LIN28B: variants seen among roughly 807,000 people sequenced by gnomAD.
The protein encoded by LIN28B is protein lin-28 homolog B.
A neutral mutation model predicts 21.9 loss-of-function variants in LIN28B; 5 were observed. The observed-to-expected ratio is 0.23, with a 90% CI of 0.12 to 0.48. LIN28B has a LOEUF of 0.48. Among genes scored for constraint, LIN28B ranks in the 20% least tolerant of loss-of-function variants. The pLI is 0.98. For synonymous variants in LIN28B, 109 were observed against 111.3 expected (o/e 0.98, Z 0.13); for missense variants, 245 against 310.5 (o/e 0.79, Z 1.58).
At chr6:104,937,853 T>C (rs1228967209) in intron 2 of LIN28B, among the ~76,000 whole-genome samples, 1 of 151,828 alleles carries the variant, frequency 6.6e-6, no homozygotes, top group Non-Finnish European at 1.5e-5. Flanking sequence ...TAGGAACCGT[T>C]GTAGGCATTG....
intron 3 of LIN28B, among the ~76,000 whole-genome samples, chr6:105,045,386 A>C (rs553978578): frequency 6.7e-6 from 1 of 148,482 alleles, no homozygotes; most frequent in African/African-American, 2.5e-5. Context: ...TCCCGGGTTC[A>C]AGCAATTCTC....
chr6:105,028,251 T>A, intron 3 of LIN28B, among the ~76,000 whole-genome samples: 1 of 152,150 alleles, frequency 6.6e-6, no homozygotes, highest in East Asian at 1.9e-4. Flanking sequence ...TTTTTTCATA[T>A]TGGATCTTGT....
At chr6:104,953,817 G>A (rs1303595375), upstream of LIN28B, among the ~76,000 whole-genome samples, 1 of 152,156 alleles carries the variant, frequency 6.6e-6, no homozygotes, top group Non-Finnish European at 1.5e-5. Context: ...GAGGACGGGT[G>A]GAGTCACTTG....
intron 2 of LIN28B, among the ~76,000 whole-genome samples, chr6:105,022,424 A>G (rs888902562): frequency 7.9e-5 from 12 of 152,214 alleles, no homozygotes; most frequent in African/African-American, 2.9e-4. Flanking sequence ...GCATATGTTT[A>G]ACAAAGTATA....
At chr6:104,937,783 A>G (rs1342557603) in intron 2 of LIN28B, among the ~76,000 whole-genome samples, 2 of 152,166 alleles carry the variant, frequency 1.3e-5, no homozygotes, top group East Asian at 3.9e-4. Flanking sequence ...CCTTGAAAAT[A>G]TAATCAGGGT....
intron 3 of LIN28B, among the ~76,000 whole-genome samples, chr6:105,048,391 G>C (rs144444894): frequency 6.6e-6 from 1 of 152,108 alleles, no homozygotes; most frequent in African/African-American, 2.4e-5. Flanking sequence ...GGTGGATAAG[G>C]TTTTTGATGT....
At chr6:105,006,817 C>T (rs1770825392) in intron 2 of LIN28B, among the ~76,000 whole-genome samples, 1 of 152,186 alleles carries the variant, frequency 6.6e-6, no homozygotes, top group Admixed American at 6.5e-5. Flanking sequence ...TTTGCACTAG[C>T]TAGCTCTTAC....
At chr6:105,050,608 C>CAAAAA (rs61464567) in intron 3 of LIN28B, among the ~76,000 whole-genome samples, 12,076 of 47,528 alleles carry the variant, frequency 0.25, 4,089 homozygotes, top group Non-Finnish European at 0.31. Context: ...GACTCCGTCT[C>CAAAAA]AAAAAAAAAA....
At chr6:105,038,213 G>A (rs1376141469) in intron 3 of LIN28B, among the ~76,000 whole-genome samples, 3 of 152,200 alleles carry the variant, frequency 2.0e-5, no homozygotes, top group Non-Finnish European at 4.4e-5. Context: ...TACGTTATGT[G>A]GGAGTTGCAG....
intron 2 of LIN28B, among the ~76,000 whole-genome samples, chr6:105,004,451 T>G (rs544607436): frequency 6.6e-6 from 1 of 152,330 alleles, no homozygotes; most frequent in African/African-American, 2.4e-5. Flanking sequence ...GTATTTGGTA[T>G]TCATACTTCT....
At chr6:105,001,878 T>A (rs1445956541) in intron 2 of LIN28B, among the ~76,000 whole-genome samples, 1 of 152,180 alleles carries the variant, frequency 6.6e-6, no homozygotes, top group Non-Finnish European at 1.5e-5. Context: ...AGTATTCAAA[T>A]ATTAGAAAGT....
At chr6:105,031,633 A>G (rs1771427068) in intron 3 of LIN28B, among the ~76,000 whole-genome samples, 1 of 150,898 alleles carries the variant, frequency 6.6e-6, no homozygotes, top group Non-Finnish European at 1.5e-5. Flanking sequence ...TCCCAGGTTC[A>G]CACCATTCTC....
chr6:105,045,669 C>A (rs1255601207), intron 3 of LIN28B: 1 of 152,030 alleles, frequency 6.6e-6, no homozygotes, highest in Admixed American at 6.6e-5. Flanking sequence ...AAGCAAGCAC[C>A]CACTCACTTC....
intron 2 of LIN28B, among the ~76,000 whole-genome samples, chr6:104,978,448 A>G (rs1434558958): frequency 6.6e-6 from 1 of 151,960 alleles, no homozygotes; most frequent in Non-Finnish European, 1.5e-5. Flanking sequence ...GAATACCTTA[A>G]CTCAGATTTC....
chr6:105,053,233 G>A (rs776064963), intron 3 of LIN28B, among the ~76,000 whole-genome samples: 1 of 152,040 alleles, frequency 6.6e-6, no homozygotes, highest in Non-Finnish European at 1.5e-5. Flanking sequence ...GAAATTTATT[G>A]ACTTTTTTTG....
chr6:104,993,988 ACCAGTTC>A (rs1172416205), intron 2 of LIN28B, among the ~76,000 whole-genome samples: 1 of 152,068 alleles, frequency 6.6e-6, no homozygotes, highest in African/African-American at 2.4e-5. Flanking sequence ...ATTAAACTAT[ACCAGTTC>A]TTGATAAAAA....
At chr6:105,075,070 A>G (rs570541023) in intron 3 of LIN28B, among the ~76,000 whole-genome samples, 1 of 152,222 alleles carries the variant, frequency 6.6e-6, no homozygotes, top group Non-Finnish European at 1.5e-5. Flanking sequence ...AGCATTTAAT[A>G]AAGTACTTAG....
rs146660801 is a variant in LIN28B at position 104,943,318 on chromosome 6, G to T, written c.18+6202G>T. Among the ~76,000 whole-genome samples, 213 of 152,042 alleles carry T rather than the reference G, an allele frequency of 1.4e-3. 6 individuals carry two copies. In the East Asian group the frequency reaches 0.037, roughly 27 times the overall value. ...TCTGGTAACATGATTAGGGTTTTGT[G>T]ACACACTGCTGTCATAATTTACAAA... is the stretch of plus-strand genomic sequence containing the variant. On this transcript the variant is annotated intron_variant, in intron 2 of 5. Coordinates refer to the LIN28B transcript ENST00000635857.
intron 3 of LIN28B, among the ~76,000 whole-genome samples, chr6:105,045,360 C>T (rs748965360): frequency 1.4e-5 from 2 of 143,984 alleles, no homozygotes; most frequent in Non-Finnish European, 3.0e-5. Flanking sequence ...TATATTGGCT[C>T]ACTGCAACCT....
Sources: gnomAD v4.1 joint callset for allele counts (sites outside exome capture counted in the v4.1 genomes callset) on GRCh38, gnomAD v4.1.1 for gene constraint, MANE v1.5 for transcripts, NCBI Gene and HGNC (gene_info 2026-07-23, HGNC 2026-07-21) for gene names.